FSD2: variants seen among roughly 807,000 people sequenced by gnomAD.
FSD2 encodes fibronectin type III and SPRY domain containing 2, also known as fibronectin type III and SPRY domain-containing protein 2.
A neutral mutation model predicts 80.4 loss-of-function variants in FSD2; 71 were observed. That is an observed-to-expected ratio of 0.88 (90% confidence interval 0.73 to 1.08). The LOEUF (loss-of-function observed/expected upper bound fraction) is 1.08, where lower values mean the gene tolerates loss of function less well. FSD2 is among the 50% of genes least tolerant of loss of function. The pLI is 0.00. For missense variants in FSD2, 923 were observed against 913.8 expected, an observed-to-expected ratio of 1.01 and a Z score of -0.13; for synonymous variants, 361 against 329.5, an observed-to-expected ratio of 1.10 and a Z score of -1.03.
chr15:82,772,579 C>T (rs191892740), intron 6 of FSD2, among the ~76,000 whole-genome samples: 1 of 152,274 alleles, frequency 6.6e-6, no homozygotes, highest in East Asian at 1.9e-4. Flanking sequence ...AGCACTGCTG[C>T]CTCAGCAGAG....
rs1173338262 is a variant in FSD2 at position 82,782,926 on chromosome 15, C to G, written c.835G>C (p.Glu279Gln). ...KYEEKIQALG[E>Q]KKKEKLEALY... ...GCTTCCAGCTTCTCTTTCTTTTTCT[C>G]CCCTAGAGCTTGTATTTTTTCCTCA... Residue 279 changes from glutamate (E) to glutamine (Q), a missense_variant, in exon 4 of 13, where the codon GAG becomes CAG. Transcript: ENST00000334574. 1 of 1,613,902 alleles carries G rather than the reference C, an allele frequency of 6.2e-7. No individual in the cohort carries two copies. Among genetic ancestry groups the G allele is most frequent in the Non-Finnish European group, 8.5e-7 (1 of 1,179,830 alleles).
intron 6 of FSD2, among the ~76,000 whole-genome samples, 189 bp from the exon 7 acceptor site, chr15:82,772,417 A>G (rs148285295): frequency 9.3e-4 from 142 of 152,340 alleles, no homozygotes; most frequent in Middle Eastern, 3.4e-3. Flanking sequence ...CAACCAGTAT[A>G]TCTATTCTTG....
chr15:82,799,222 C>T (rs931559237), intron 1 of FSD2, among the ~76,000 whole-genome samples: 2 of 152,082 alleles, frequency 1.3e-5, no homozygotes, highest in Non-Finnish European at 2.9e-5. Context: ...TTCTCATGGC[C>T]TAATTTGGAA....
chr15:82,782,964 A>G lies in FSD2; in HGVS notation c.797T>C (p.Leu266Pro), dbSNP rs1252929169. Residue 266 changes from leucine (L) to proline (P), a missense_variant, in exon 4 of 13, where the codon CTT (leucine) becomes CCT (proline). Transcript: ENST00000334574. The stretch of plus-strand genomic sequence containing the variant: ...TATTTTTTCCTCATATTTTTGAGCA[A>G]GTGTTTCCAAGATCTCGTTGTAATG... ...ESHYNEILET[L>P]AQKYEEKIQA... 1.2e-6 allele frequency: 2 copies of G among 1,613,544 alleles called. No homozygotes were observed. The highest frequency in any genetic ancestry group is 1.3e-5 in the African/African-American group (1 of 74,794).
intron 1 of FSD2, among the ~76,000 whole-genome samples, chr15:82,790,928 T>G (rs1351594649): frequency 1.3e-5 from 2 of 151,448 alleles, no homozygotes; most frequent in Admixed American, 1.3e-4. Context: ...TTTATCGAGG[T>G]ATAATTCATA....
At chr15:82,792,755 G>T (rs1308977300) in intron 1 of FSD2, among the ~76,000 whole-genome samples, 1 of 151,926 alleles carries the variant, frequency 6.6e-6, no homozygotes, top group East Asian at 1.9e-4. Flanking sequence ...TTTTGTTGTT[G>T]TTTTTTAAGA....
intron 11 of FSD2, among the ~76,000 whole-genome samples, chr15:82,763,913 C>T (rs896041238): frequency 6.6e-6 from 1 of 152,196 alleles, no homozygotes; most frequent in African/African-American, 2.4e-5. Context: ...ATACCAAATT[C>T]CTTATATTTC....
intron 1 of FSD2, among the ~76,000 whole-genome samples, chr15:82,793,823 A>G (rs2050201308): frequency 6.6e-6 from 1 of 151,880 alleles, no homozygotes; most frequent in South Asian, 2.1e-4. Flanking sequence ...TTATTTCTGT[A>G]TGCTTGGTAG....
chr15:82,759,892 C>G (rs1459638625), intron 12 of FSD2, among the ~76,000 whole-genome samples: 1 of 151,858 alleles, frequency 6.6e-6, no homozygotes, highest in Admixed American at 6.6e-5. Context: ...CTCCTGGGTT[C>G]AAGCAATTCT....
intron 9 of FSD2, among the ~76,000 whole-genome samples, chr15:82,768,594 TTGAATGAATGAA>T (rs3047206): frequency 6.6e-6 from 1 of 151,172 alleles, no homozygotes; most frequent in East Asian, 1.9e-4. Context: ...TCAATGCATG[TTGAATGAATGAA>T]TGAATGAATG....
At chr15:82,775,565 T>C (rs1408686659) in intron 6 of FSD2, among the ~76,000 whole-genome samples, 1 of 152,206 alleles carries the variant, frequency 6.6e-6, no homozygotes, top group Non-Finnish European at 1.5e-5. Context: ...GTTTCTGATC[T>C]TAGAGGAAAA....
intron 6 of FSD2, among the ~76,000 whole-genome samples, chr15:82,774,177 A>G (rs1356679169): frequency 6.6e-6 from 1 of 152,142 alleles, no homozygotes; most frequent in African/African-American, 2.4e-5. Flanking sequence ...GGCTCAAGCA[A>G]TCCTCCCACT....
At chr15:82,792,981 A>AT (rs1219169773) in intron 1 of FSD2, among the ~76,000 whole-genome samples, 2 of 152,044 alleles carry the variant, frequency 1.3e-5, no homozygotes, top group Non-Finnish European at 2.9e-5. Flanking sequence ...CTATTCTTCT[A>AT]TTTTTTGGAA....
Position 82,780,285 on chromosome 15 carries a change from A to C in FSD2, c.967-18T>G. 6.8e-7 allele frequency: 1 copy of C among 1,467,424 alleles called. No homozygotes were observed. The highest frequency in any genetic ancestry group is 9.1e-7 in the Non-Finnish European group (1 of 1,095,824). The allele number at this position is 1,467,424 out of a possible 1,614,324, so 90.9% of individuals were successfully genotyped here. ...ACTGCATCCTAAAAAGGAAAAAGAG[A>C]AAATATTAAGTTGATTTTGGAAATA... On this transcript the variant is annotated intron_variant, in intron 4 of 12. Coordinates refer to ENST00000334574, the MANE Select transcript of FSD2 (RefSeq NM_001007122.4).
intron 1 of FSD2, among the ~76,000 whole-genome samples, chr15:82,795,669 A>G (rs2050247779): frequency 6.6e-6 from 1 of 152,024 alleles, no homozygotes; most frequent in African/African-American, 2.4e-5. Flanking sequence ...ATCTCTACCA[A>G]AAATACAAAA....
At chr15:82,800,348 G>T (rs1289167511) in intron 1 of FSD2, among the ~76,000 whole-genome samples, 1 of 152,116 alleles carries the variant, frequency 6.6e-6, no homozygotes, top group Non-Finnish European at 1.5e-5. Context: ...TTTGAGACAG[G>T]CAGGCTAGCT....
Position 82,755,449 on chromosome 15 carries a change from T to C in FSD2, c.*3899A>G, listed in dbSNP as rs936172774. 2 of 152,100 alleles carry C rather than the reference T, an allele frequency of 1.3e-5. No homozygotes were observed. The highest frequency in any genetic ancestry group is 2.9e-5 in the Non-Finnish European group (2 of 68,032). The allele number at this position is 152,100 out of a possible 1,614,324, so 9.4% of individuals were successfully genotyped here. A position where few individuals can be genotyped will look rare whatever the true frequency, so the allele number is the denominator to read the frequency against. ...GCAGGCTAATTTGTAACATTTCAAA[T>C]AAATGATAGTTTAATTCCTCCAGGA... On this transcript the variant is annotated 3_prime_UTR_variant, in exon 13 of 13. Coordinates refer to ENST00000334574, the MANE Select transcript of FSD2 (RefSeq NM_001007122.4).
intron 1 of FSD2, among the ~76,000 whole-genome samples, chr15:82,788,078 A>G (rs2050047284): frequency 6.6e-6 from 1 of 152,154 alleles, no homozygotes; most frequent in South Asian, 2.1e-4. Context: ...TTATTTTTAA[A>G]TTGTATAAAT....
At chr15:82,781,664 T>G (rs930986397) in intron 4 of FSD2, among the ~76,000 whole-genome samples, 4 of 152,204 alleles carry the variant, frequency 2.6e-5, no homozygotes, top group African/African-American at 9.7e-5. Context: ...GTAAGATTTT[T>G]AATTGCTACA....
Sources: allele counts gnomAD v4.1 joint callset (sites outside exome capture counted in the v4.1 genomes callset), GRCh38; gene constraint gnomAD v4.1.1; transcripts MANE v1.5; gene names NCBI Gene and HGNC (gene_info 2026-07-23, HGNC 2026-07-21).